CENPP: variants seen among roughly 807,000 people sequenced by gnomAD.
CENPP encodes centromere protein P.
Under a neutral mutation model 35.6 loss-of-function variants are expected in CENPP, and 24 were observed. That is an observed-to-expected ratio of 0.67 (90% CI 0.49 to 0.95). CENPP has a LOEUF of 0.95. CENPP is among the 40% of genes least tolerant of loss of function. The pLI, the probability that CENPP is intolerant of heterozygous loss-of-function variation, is 0.00. For synonymous variants in CENPP, 120 were observed against 125.5 expected (o/e 0.96, Z 0.29); for missense variants, 332 against 345.3 (o/e 0.96, Z 0.31).
intron 5 of CENPP, among the ~76,000 whole-genome samples, chr9:92,564,560 T>A (rs1849921737): frequency 6.6e-6 from 1 of 152,142 alleles, no homozygotes; most frequent in African/African-American, 2.4e-5. Context: ...CCCAGGTTTT[T>A]GGCATGAGCA....
intron 5 of CENPP, among the ~76,000 whole-genome samples, chr9:92,454,238 T>A: frequency 6.6e-6 from 1 of 152,216 alleles, no homozygotes; most frequent in East Asian, 1.9e-4. Context: ...GCTGGAAGAT[T>A]GAAAATACAA....
Position 92,466,454 on chromosome 9 carries a change from G to C in CENPP, c.564+86595G>C, listed in dbSNP as rs757923286. ...CTGAGTTCTGCTAATGATTTGGGAAGATTAAGTGGTATTTCACTTAGTTGA... is the reference window on the plus strand; with the variant it reads ...CTGAGTTCTGCTAATGATTTGGGAACATTAAGTGGTATTTCACTTAGTTGA... On this transcript the variant is annotated intron_variant, in intron 5 of 7. Coordinates refer to ENST00000375587, the MANE Select transcript of CENPP (RefSeq NM_001012267.3). The C allele has an allele frequency of 4.4e-6, 7 of 1,608,216 alleles. No homozygotes were observed. In the Admixed American group the frequency reaches 6.7e-5, roughly 15 times the overall value.
At position 92,536,994 on chromosome 9, in the gene CENPP, C is replaced by T. The variant is rs1206710660; in HGVS notation, c.565-74320C>T. Among the ~76,000 whole-genome samples, 9 of 151,676 alleles carry T rather than the reference C, an allele frequency of 5.9e-5. No individual in the cohort carries two copies. In the East Asian group the frequency reaches 7.7e-4, roughly 13 times the overall value. ...AAGGGATTCTCCTGCCTCAGCTTCC[C>T]GAGTAGGTGGGCTTAAAGGCGCCTG... is the stretch of plus-strand genomic sequence containing the variant. On this transcript the variant is annotated intron_variant, in intron 5 of 7. Transcript: ENST00000375587.
At chr9:92,438,727 T>G (rs981291413) in intron 5 of CENPP, among the ~76,000 whole-genome samples, 1 of 152,162 alleles carries the variant, frequency 6.6e-6, no homozygotes, top group African/African-American at 2.4e-5. Flanking sequence ...CCAAGGCAGG[T>G]GGATCACTTG....
intron 5 of CENPP, among the ~76,000 whole-genome samples, chr9:92,582,046 T>A (rs1023881674): frequency 6.6e-6 from 1 of 151,880 alleles, no homozygotes; most frequent in East Asian, 1.9e-4. Flanking sequence ...TGTTTTGTTT[T>A]GTTTTGTTTT....
At position 92,457,592 on chromosome 9, in the gene CENPP, C is replaced by G. The variant is rs1379428725; in HGVS notation, c.564+77733C>G. ...TGGGTTTATTCATCTGTTTATTTTACATTGGCTTGAATGTATTTTCAGGTA... is the reference window on the plus strand; with the variant it reads ...TGGGTTTATTCATCTGTTTATTTTAGATTGGCTTGAATGTATTTTCAGGTA... On this transcript the variant is annotated intron_variant, in intron 5 of 7. Transcript: ENST00000375587. 3.8e-6 allele frequency: 3 copies of G among 797,914 alleles called. No individual in the cohort carries two copies. In the African/African-American group the frequency reaches 5.2e-5, roughly 14 times the overall value. The allele number at this position is 797,914 out of a possible 1,614,324, so 49.4% of individuals were successfully genotyped here.
intron 5 of CENPP, among the ~76,000 whole-genome samples, chr9:92,438,369 A>G (rs1243022184): frequency 1.3e-5 from 2 of 152,156 alleles, no homozygotes; most frequent in African/African-American, 4.8e-5. Context: ...ATTGTCAAAA[A>G]TTAGTTAACC....
chr9:92,501,712 C>T (rs1165509389), intron 5 of CENPP, among the ~76,000 whole-genome samples: 1 of 152,184 alleles, frequency 6.6e-6, no homozygotes, highest in Non-Finnish European at 1.5e-5. Flanking sequence ...GGGCTCAGTG[C>T]CACATGCTGC....
intron 5 of CENPP, among the ~76,000 whole-genome samples, chr9:92,583,456 T>C (rs1473426870): frequency 6.6e-6 from 1 of 152,260 alleles, no homozygotes; most frequent in Non-Finnish European, 1.5e-5. Flanking sequence ...GATTATTTTC[T>C]GTTTCATTCA....
At chr9:92,552,132 CAT>C (rs201195668) in intron 5 of CENPP, among the ~76,000 whole-genome samples, 809 of 132,800 alleles carry the variant, frequency 6.1e-3, no homozygotes, top group Middle Eastern at 0.013. Context: ...ATAGATCTAT[CAT>C]ATATATGTGA....
At chr9:92,438,713 G>A (rs1173687403) in intron 5 of CENPP, among the ~76,000 whole-genome samples, 1 of 152,216 alleles carries the variant, frequency 6.6e-6, no homozygotes, top group Non-Finnish European at 1.5e-5. Context: ...AGCACTTTGG[G>A]AGGCCAAGGC....
At chr9:92,338,576 C>T (rs1391649428) in intron 3 of CENPP, among the ~76,000 whole-genome samples, 4 of 151,456 alleles carry the variant, frequency 2.6e-5, no homozygotes, top group East Asian at 3.9e-4. Flanking sequence ...ACAACTTGTA[C>T]GTGTTCAGTA....
chr9:92,572,244 A>G (rs1850162182), intron 5 of CENPP, among the ~76,000 whole-genome samples: 1 of 152,034 alleles, frequency 6.6e-6, no homozygotes, highest in Non-Finnish European at 1.5e-5. Flanking sequence ...TCCTTTCCAC[A>G]TTTAGTGCTT....
In CENPP at chr9:92,615,315, G is replaced by A. The variant is rs1366820068; in HGVS notation, c.*2166G>A. 6.0e-6 allele frequency: 1 copy of A among 167,654 alleles called. No homozygotes were observed. Among genetic ancestry groups the A allele is most frequent in the Non-Finnish European group, 1.3e-5 (1 of 77,850 alleles). The allele number at this position is 167,654 out of a possible 1,614,324, so 10.4% of individuals were successfully genotyped here. ...CTGCGCGACCACGAGGTCACGCTGTGCAGCAGGGAACCACCTAAAAACCTG... is the reference window on the plus strand; with the variant it reads ...CTGCGCGACCACGAGGTCACGCTGTACAGCAGGGAACCACCTAAAAACCTG... On this transcript the variant is annotated 3_prime_UTR_variant, in exon 8 of 8. Transcript: ENST00000375587.
chr9:92,585,921 CTG>C (rs1850528974), intron 5 of CENPP, among the ~76,000 whole-genome samples: 1 of 152,220 alleles, frequency 6.6e-6, no homozygotes. Context: ...TCTTTAAAAA[CTG>C]TGGTTGTTCA....
chr9:92,618,189 C>T lies in CENPP; in HGVS notation c.*5040C>T, dbSNP rs1241364894. The T allele has an allele frequency of 4.4e-6, 2 of 455,800 alleles. No individual in the cohort carries two copies. The highest frequency in any genetic ancestry group is 8.8e-6 in the Non-Finnish European group (2 of 226,452). 28.2% of individuals were successfully genotyped at this position (455,800 alleles called of 1,614,324 possible). A position where few individuals can be genotyped will look rare whatever the true frequency, so the allele number is the denominator to read the frequency against. On this transcript the variant is annotated 3_prime_UTR_variant, in exon 8 of 8. Transcript: ENST00000375587. The stretch of plus-strand genomic sequence containing the variant: ...CGGAGGAGAAGCCTTCTCTGAGATC[C>T]TCTCCTTTTGTTGAGAAAGGCCTGG...
intron 4 of CENPP, among the ~76,000 whole-genome samples, chr9:92,351,310 T>C (rs868444654): frequency 1.3e-5 from 2 of 151,982 alleles, no homozygotes; most frequent in Middle Eastern, 6.8e-3. Context: ...TGAAACCCTG[T>C]CTCTACTAAA....
intron 4 of CENPP, among the ~76,000 whole-genome samples, chr9:92,360,207 C>T (rs902721845): frequency 2.0e-5 from 3 of 152,202 alleles, no homozygotes; most frequent in Admixed American, 6.5e-5. Context: ...TTATAACATA[C>T]GTAACCTAAC....
intron 1 of CENPP, among the ~76,000 whole-genome samples, chr9:92,326,402 A>C (rs981461933): frequency 4.6e-5 from 7 of 152,228 alleles, no homozygotes; most frequent in African/African-American, 1.7e-4. Flanking sequence ...ATGCAGAAGT[A>C]TCTCTAGTTG....
Sources: allele counts gnomAD v4.1 joint callset (sites outside exome capture counted in the v4.1 genomes callset), GRCh38; gene constraint gnomAD v4.1.1; transcripts MANE v1.5; gene names NCBI Gene and HGNC (gene_info 2026-07-23, HGNC 2026-07-21).